The following ELAVL4 variants were observed in gnomAD, a reference collection of about 807,000 sequenced individuals.
The protein encoded by ELAVL4 is ELAV-like protein 4.
A neutral mutation model predicts 35.6 loss-of-function variants in ELAVL4; 1 was observed. The ratio of observed to expected loss-of-function variants is 0.03; its 90% CI spans 0.01 to 0.13. The LOEUF (loss-of-function observed/expected upper bound fraction) is 0.13. ELAVL4 is among the 10% of genes least tolerant of loss of function. The pLI, the probability that ELAVL4 is intolerant of heterozygous loss-of-function variation, is 1.00. For missense variants in ELAVL4, 267 were observed against 464.9 expected, an observed-to-expected ratio of 0.57 and a Z score of 3.91; for synonymous variants, 156 against 171.0, an observed-to-expected ratio of 0.91 and a Z score of 0.69.
At position 50,150,702 on chromosome 1, in the gene ELAVL4, G is replaced by A. The variant is rs187975139; in HGVS notation, c.250+5505G>A. Among the ~76,000 whole-genome samples, 462 of 152,184 alleles carry A rather than the reference G, an allele frequency of 3.0e-3. 3 individuals are homozygous for A. The highest frequency in any genetic ancestry group is 4.0e-3 in the Non-Finnish European group (274 of 68,002). On this transcript the variant is annotated intron_variant, in intron 2 of 6. Coordinates refer to ENST00000371824, the MANE Select transcript of ELAVL4 (RefSeq NM_001144774.3). ...ACTTATAGGAACACTATGGGAATTTGGTTGAATTTTACTTCTGAGATAACT... is the reference window on the plus strand; with the variant it reads ...ACTTATAGGAACACTATGGGAATTTAGTTGAATTTTACTTCTGAGATAACT...
chr1:50,125,069 T>A (rs548233173), intron 1 of ELAVL4, among the ~76,000 whole-genome samples: 17 of 151,944 alleles, frequency 1.1e-4, no homozygotes, highest in Admixed American at 3.3e-4. Context: ...AGACAGAGAA[T>A]AGAGTAAGTA....
intron 6 of ELAVL4, 109 bp from the exon 7 acceptor site, chr1:50,200,742 T>C (rs1415283410): frequency 2.0e-6 from 3 of 1,529,512 alleles, no homozygotes; most frequent in African/African-American, 1.4e-5. Context: ...AAGACTCTCC[T>C]GTAAACACTC....
At chr1:50,093,610 A>C (rs1201667766) in intron 1 of ELAVL4, among the ~76,000 whole-genome samples, 1 of 152,206 alleles carries the variant, frequency 6.6e-6, no homozygotes, top group Admixed American at 6.5e-5. Flanking sequence ...CACTCTCAAA[A>C]ATATCTGGGT....
intron 1 of ELAVL4, among the ~76,000 whole-genome samples, chr1:50,075,959 C>G (rs1055605432): frequency 1.3e-5 from 2 of 152,046 alleles, no homozygotes; most frequent in African/African-American, 4.8e-5. Context: ...TCCTGAGTAG[C>G]TGGGATTACA....
At chr1:50,100,676 G>A (rs377321114), upstream of ELAVL4, among the ~76,000 whole-genome samples, 46 of 152,248 alleles carry the variant, frequency 3.0e-4, 1 homozygote, top group South Asian at 8.7e-3. Flanking sequence ...CAGATTTTAA[G>A]CTCCTTGAAG....
intron 1 of ELAVL4, among the ~76,000 whole-genome samples, chr1:50,139,011 A>T (rs375316585): frequency 5.9e-5 from 9 of 152,266 alleles, no homozygotes; most frequent in African/African-American, 1.7e-4. Context: ...CCACAATTTT[A>T]AAAATTGAAA....
intron 1 of ELAVL4, among the ~76,000 whole-genome samples, chr1:50,115,459 C>A (rs536335886): frequency 1.3e-5 from 2 of 151,914 alleles, no homozygotes; most frequent in East Asian, 3.9e-4. Context: ...TGTCTTAGGT[C>A]TCTCCTGAAA....
chr1:50,106,441 AT>A, upstream of ELAVL4: 1 of 1,487,830 alleles, frequency 6.7e-7, no homozygotes. Context: ...CTGGGATATC[AT>A]TTTTAGGTTG....
chr1:50,125,833 G>T (rs1379791484), intron 1 of ELAVL4, among the ~76,000 whole-genome samples: 1 of 151,998 alleles, frequency 6.6e-6, no homozygotes, highest in Non-Finnish European at 1.5e-5. Flanking sequence ...TGTTCTGCTG[G>T]TTAAGGGCAT....
intron 1 of ELAVL4, among the ~76,000 whole-genome samples, chr1:50,094,669 T>C (rs1214555339): frequency 6.6e-6 from 1 of 151,098 alleles, no homozygotes. Context: ...ACTTTGGGAG[T>C]CCAAAGTGGG....
At position 50,116,413 on chromosome 1, in the gene ELAVL4, C is replaced by CGTGT. The variant is rs753845198; in HGVS notation, c.9+7238_9+7241dup. Among the ~76,000 whole-genome samples the CGTGT allele has an allele frequency of 1.8e-3, 258 of 143,408 alleles. 2 individuals carry two copies. Among genetic ancestry groups the CGTGT allele is most frequent in the African/African-American group, 5.1e-3 (201 of 39,346 alleles). The allele number at this position is 143,408 out of a possible 152,430, so 94.1% of individuals were successfully genotyped here. ...ATACTGTGGTGTGTGTGTGTGTGTG[C>CGTGT]GTGTGTGTGTGTGTGTGTGTGTGTG... On this transcript the variant is annotated intron_variant, in intron 1 of 6. Transcript: ENST00000371824.
At chr1:50,191,162 T>G (rs1682604104) in intron 3 of ELAVL4, among the ~76,000 whole-genome samples, 1 of 152,234 alleles carries the variant, frequency 6.6e-6, no homozygotes, top group African/African-American at 2.4e-5. Flanking sequence ...CTCTTTGGAC[T>G]TGGAGTTCCT....
chr1:50,200,667 C>A, intron 6 of ELAVL4, 184 bp from the exon 7 acceptor site: 1 of 1,256,832 alleles, frequency 8.0e-7, no homozygotes, highest in Non-Finnish European at 1.1e-6. Flanking sequence ...CCTAGCCAGT[C>A]AAGCCATTCC....
intron 2 of ELAVL4, among the ~76,000 whole-genome samples, chr1:50,148,647 A>G (rs1674170690): frequency 6.6e-6 from 1 of 152,182 alleles, no homozygotes; most frequent in Non-Finnish European, 1.5e-5. Flanking sequence ...GTGACACATC[A>G]TGGCATTGGA....
intron 5 of ELAVL4, among the ~76,000 whole-genome samples, chr1:50,196,402 T>A (rs1201703191): frequency 6.6e-6 from 1 of 152,192 alleles, no homozygotes; most frequent in Non-Finnish European, 1.5e-5. Context: ...CCTGGGACTT[T>A]TCTAAAAGAC....
At chr1:50,159,794 G>A (rs148707202) in intron 2 of ELAVL4, among the ~76,000 whole-genome samples, 7 of 152,146 alleles carry the variant, frequency 4.6e-5, no homozygotes, top group Admixed American at 1.3e-4. Context: ...TAAATTTGAG[G>A]GTGGGAGACA....
intron 2 of ELAVL4, among the ~76,000 whole-genome samples, chr1:50,172,392 G>A (rs757006097): frequency 1.1e-4 from 16 of 152,160 alleles, no homozygotes; most frequent in Non-Finnish European, 1.9e-4. Flanking sequence ...CAGGGTCTCA[G>A]AATCATTGTT....
At position 50,052,489 on chromosome 1, in the gene ELAVL4, A is replaced by G. The variant is rs530133134; in HGVS notation, c.18+4307A>G. On this transcript the variant is annotated intron_variant, in intron 1 of 6. Coordinates refer to the ELAVL4 transcript ENST00000448907. Reference sequence around the variant, plus strand: ...AGCTTCCTAATCTTTCTAGTTTTATAGTATCTTAGGTGATGGAAGCAGAAG... The same window carrying G: ...AGCTTCCTAATCTTTCTAGTTTTATGGTATCTTAGGTGATGGAAGCAGAAG... Among the ~76,000 whole-genome samples the G allele has an allele frequency of 5.3e-5, 8 of 152,322 alleles. No individual in the cohort carries two copies. The South Asian group carries it at 1.0e-3, about 20-fold the overall frequency.
chr1:50,102,167 G>A (rs1666013736), upstream of ELAVL4, among the ~76,000 whole-genome samples: 1 of 151,850 alleles, frequency 6.6e-6, no homozygotes, highest in African/African-American at 2.4e-5. Context: ...GGCACCAGTA[G>A]TCCCAGCTAC....
Sources: allele counts gnomAD v4.1 joint callset (sites outside exome capture counted in the v4.1 genomes callset), GRCh38; gene constraint gnomAD v4.1.1; transcripts MANE v1.5; gene names NCBI Gene and HGNC (gene_info 2026-07-23, HGNC 2026-07-21).